GPR107: variants seen among roughly 807,000 people sequenced by gnomAD.
GPR107 encodes G protein-coupled receptor 107.
A neutral mutation model predicts 75.5 loss-of-function variants in GPR107; 31 were observed. The observed-to-expected ratio is 0.41, with a 90% CI of 0.31 to 0.55. GPR107 has a LOEUF of 0.55. Among genes scored for constraint, GPR107 ranks in the 20% least tolerant of loss-of-function variants. The pLI, the probability that GPR107 is intolerant of heterozygous loss-of-function variation, is 0.26. For synonymous variants in GPR107, 267 were observed against 251.3 expected (o/e 1.06, Z -0.59); for missense variants, 572 against 665.7 (o/e 0.86, Z 1.55).
At chr9:130,060,974 C>G (rs1018053804) in intron 1 of GPR107, among the ~76,000 whole-genome samples, 1 of 152,178 alleles carries the variant, frequency 6.6e-6, no homozygotes, top group Non-Finnish European at 1.5e-5. Flanking sequence ...AGCAGAACAT[C>G]ACACAAAAGG....
intron 1 of GPR107, among the ~76,000 whole-genome samples, chr9:130,072,331 T>G (rs974667310): frequency 6.6e-6 from 1 of 152,042 alleles, no homozygotes; most frequent in Non-Finnish European, 1.5e-5. Context: ...GCCATTCTCC[T>G]GCCTCAGCCT....
chr9:130,054,160 G>A, intron 1 of GPR107, 87 bp downstream of exon 1: 1 of 1,247,000 alleles, frequency 8.0e-7, no homozygotes, highest in Non-Finnish European at 1.1e-6. Context: ...GGGGACCTCT[G>A]AGCCACTGGA....
At chr9:130,087,987 T>C (rs947466569) in intron 7 of GPR107, among the ~76,000 whole-genome samples, 9 of 152,174 alleles carry the variant, frequency 5.9e-5, no homozygotes, top group Non-Finnish European at 1.2e-4. Context: ...TCTTTTTCCA[T>C]GGATCATTTT....
chr9:130,125,289 C>T (rs1831647629), intron 15 of GPR107, among the ~76,000 whole-genome samples: 1 of 151,786 alleles, frequency 6.6e-6, no homozygotes, highest in African/African-American at 2.4e-5. Context: ...GCAAAGTTGG[C>T]CAGGCTAGTC....
chr9:130,092,529 G>T, intron 9 of GPR107, 148 bp downstream of exon 9: 2 of 683,648 alleles, frequency 2.9e-6, no homozygotes, highest in Non-Finnish European at 5.2e-6. Flanking sequence ...AAGATTGTGC[G>T]GGAGCATTAT....
chr9:130,117,991 AAG>A (rs1228341147), intron 14 of GPR107, among the ~76,000 whole-genome samples: 1 of 152,158 alleles, frequency 6.6e-6, no homozygotes, highest in Non-Finnish European at 1.5e-5. Context: ...TGTCGTCCTA[AAG>A]TCACTAGTGG....
rs1554899634 is a variant in GPR107 at position 130,134,334 on chromosome 9, C to T, written c.1563-691C>T. Among the ~76,000 whole-genome samples the T allele has an allele frequency of 2.6e-5, 4 of 152,322 alleles. No homozygotes were observed. The South Asian group carries it at 6.2e-4, about 24-fold the overall frequency. ...GCCTTGCTCAGCTCCTCATGCCCTG[C>T]GAGACCAGCGATCTTCCATTTTTAA... is the stretch of plus-strand genomic sequence containing the variant. On this transcript the variant is annotated intron_variant, in intron 17 of 17. Coordinates refer to ENST00000347136, the MANE Select transcript of GPR107 (RefSeq NM_020960.5).
At chr9:130,071,153 AG>A (rs375164746) in intron 1 of GPR107, among the ~76,000 whole-genome samples, 3 of 140,680 alleles carry the variant, frequency 2.1e-5, no homozygotes, top group Non-Finnish European at 4.5e-5. Context: ...GTCCCACTTC[AG>A]CCTCCTGAAT....
Position 130,077,308 on chromosome 9 carries a change from G to T in GPR107, c.316G>T (p.Val106Leu). 1 of 1,526,884 alleles carries T rather than the reference G, an allele frequency of 6.5e-7. No individual in the cohort carries two copies. The highest frequency in any genetic ancestry group is 9.1e-7 in the Non-Finnish European group (1 of 1,100,344). The allele number at this position is 1,526,884 out of a possible 1,614,324, so 94.6% of individuals were successfully genotyped here. A position where few individuals can be genotyped will look rare whatever the true frequency, so the allele number is the denominator to read the frequency against. The change falls in exon 4 of 18, where the codon GTG (valine) becomes TTG (leucine). Residue 106 changes from valine to leucine, a missense_variant. By Grantham distance (32) the Val-to-Leu change is conservative (BLOSUM62 1). Transcript: ENST00000347136. ...GCTCTTCCTTTCTCAGGATGAAGAT[G>T]TGAATTACTGTATTTTAAAGAAACA... ...DGFSSYLDED[V>L]NYCILKKQSV...
In GPR107 at chr9:130,075,758, C is replaced by G. The variant is rs1480742025; in HGVS notation, c.255+9C>G. On this transcript the variant is annotated intron_variant, in intron 2 of 17. Transcript: ENST00000347136. ...AAGACAAGGATGTGACTGTAAGTAC[C>G]TTTTAATGAGATCCAGGGGTTTACT... 8.1e-7 allele frequency: 1 copy of G among 1,236,134 alleles called. No homozygotes were observed. Among genetic ancestry groups the G allele is most frequent in the African/African-American group, 1.5e-5 (1 of 67,094 alleles). The allele number at this position is 1,236,134 out of a possible 1,614,324, so 76.6% of individuals were successfully genotyped here. A position where few individuals can be genotyped will look rare whatever the true frequency, so the allele number is the denominator to read the frequency against.
intron 14 of GPR107, among the ~76,000 whole-genome samples, 165 bp from the exon 15 acceptor site, chr9:130,124,747 TGGA>T (rs1474641486): frequency 6.6e-6 from 1 of 152,234 alleles, no homozygotes; most frequent in Non-Finnish European, 1.5e-5. Flanking sequence ...TCCTGGTGAT[TGGA>T]GGAGAGACCG....
chr9:130,130,194 T>C (rs1331243163), intron 17 of GPR107, among the ~76,000 whole-genome samples: 1 of 152,200 alleles, frequency 6.6e-6, no homozygotes, highest in Non-Finnish European at 1.5e-5. Context: ...CATCTCTCTT[T>C]AGGCCTACCA....
Position 130,100,691 on chromosome 9 carries a change from C to T in GPR107, c.1002C>T (p.Tyr334=), listed in dbSNP as rs376803703. The T allele has an allele frequency of 1.6e-5, 25 of 1,607,092 alleles. No homozygotes were observed. The highest frequency in any genetic ancestry group is 2.0e-5 in the Non-Finnish European group (24 of 1,173,638). The part of the protein sequence containing the change: ...FPIEGWAVVY[Y]ITHLLKGALL... ...TCGAAGGCTGGGCTGTTGTGTACTA[C>T]ATAACTCACCTGTAAGTATGCAGGT... is the stretch of plus-strand genomic sequence containing the variant. The change falls in exon 11 of 18, where the codon TAC becomes TAT. Residue 334 remains tyrosine, a synonymous_variant. Coordinates refer to ENST00000347136, the MANE Select transcript of GPR107 (RefSeq NM_020960.5).
At chr9:130,054,163 C>G (rs1829665701) in intron 1 of GPR107, 90 bp downstream of exon 1, 1 of 1,200,512 alleles carries the variant, frequency 8.3e-7, no homozygotes, top group Non-Finnish European at 1.1e-6. Flanking sequence ...GACCTCTGAG[C>G]CACTGGACCA....
chr9:130,065,935 G>A (rs1200745699), intron 1 of GPR107, among the ~76,000 whole-genome samples: 1 of 151,840 alleles, frequency 6.6e-6, no homozygotes, highest in Admixed American at 6.6e-5. Flanking sequence ...TTTACATACT[G>A]CTTTGTGAAT....
Position 130,072,333 on chromosome 9 carries a change from C to T in GPR107, c.142-3303C>T, listed in dbSNP as rs1830230394. 2.6e-5 allele frequency among the ~76,000 whole-genome samples: 4 copies of T among 151,852 alleles called. No homozygotes were observed. In the South Asian group the frequency reaches 8.3e-4, roughly 32 times the overall value. On this transcript the variant is annotated intron_variant, in intron 1 of 17. Coordinates refer to ENST00000347136, the MANE Select transcript of GPR107 (RefSeq NM_020960.5). Reference sequence around the variant, plus strand: ...CCCTGGGGTTCACGCCATTCTCCTGCCTCAGCCTCCCGAGTAGCTGGGACT... The same window carrying T: ...CCCTGGGGTTCACGCCATTCTCCTGTCTCAGCCTCCCGAGTAGCTGGGACT...
intron 9 of GPR107, among the ~76,000 whole-genome samples, chr9:130,097,306 G>A (rs750100117): frequency 1.1e-4 from 17 of 151,774 alleles, no homozygotes; most frequent in Non-Finnish European, 1.9e-4. Context: ...AGGCATGTAC[G>A]CCCATGCCGG....
chr9:130,099,543 G>T lies in GPR107; in HGVS notation c.939+11G>T. On this transcript the variant is annotated intron_variant, in intron 10 of 17. Coordinates refer to ENST00000347136, the MANE Select transcript of GPR107 (RefSeq NM_020960.5). ...TTGGTGTTCCATGCAGTATGTATTA[G>T]CATTTTGAGGATCATTCATGAAATT... The T allele has an allele frequency of 6.7e-7, 1 of 1,488,752 alleles. No individual in the cohort carries two copies. The highest frequency in any genetic ancestry group is 1.1e-5 in the South Asian group (1 of 87,988). The allele number at this position is 1,488,752 out of a possible 1,614,324, so 92.2% of individuals were successfully genotyped here. A position where few individuals can be genotyped will look rare whatever the true frequency, so the allele number is the denominator to read the frequency against.
intron 1 of GPR107, among the ~76,000 whole-genome samples, chr9:130,059,027 A>AGGAGT (rs1829865486): frequency 6.6e-6 from 1 of 152,210 alleles, no homozygotes; most frequent in South Asian, 2.1e-4. Flanking sequence ...GATGATATCC[A>AGGAGT]GGAGTGGAGT....
Sources: gnomAD v4.1 joint callset for allele counts (sites outside exome capture counted in the v4.1 genomes callset) on GRCh38, gnomAD v4.1.1 for gene constraint, MANE v1.5 for transcripts, NCBI Gene and HGNC (gene_info 2026-07-23, HGNC 2026-07-21) for gene names.